Variants in HIP1 observed in about 807,000 individuals in gnomAD.
The protein encoded by HIP1 is huntingtin interacting protein 1, also known as huntingtin-interacting protein 1.
HIP1 carries 65 observed loss-of-function variants against 147.6 expected under a neutral mutation model. That is an observed-to-expected ratio of 0.44 (90% CI 0.36 to 0.54). HIP1 has a LOEUF of 0.54. Among genes scored for constraint, HIP1 ranks in the 20% least tolerant of loss-of-function variants. HIP1 has a pLI of 0.00. For missense variants in HIP1, 1,061 were observed against 1,299.6 expected (o/e 0.82, Z 2.82); for synonymous variants, 479 against 504.0 (o/e 0.95, Z 0.67).
At chr7:75,578,610 G>T (rs1293142255) in intron 7 of HIP1, among the ~76,000 whole-genome samples, 8 of 152,186 alleles carry the variant, frequency 5.3e-5, no homozygotes, top group African/African-American at 1.9e-4. Context: ...CCCCAGAAGC[G>T]GAGGTTGCAG....
At chr7:75,556,311 G>T in intron 17 of HIP1, 142 bp from the exon 18 acceptor site, 1 of 1,065,994 alleles carries the variant, frequency 9.4e-7, no homozygotes, top group Non-Finnish European at 1.4e-6. Context: ...CCCTCCCGGG[G>T]ACACACTGAT....
chr7:75,561,574 A>G (rs1245694923), intron 12 of HIP1, among the ~76,000 whole-genome samples, 173 bp from the exon 13 acceptor site: 1 of 152,114 alleles, frequency 6.6e-6, no homozygotes, highest in Non-Finnish European at 1.5e-5. Context: ...TCATAAATCC[A>G]TGGTTATTGA....
intron 8 of HIP1, among the ~76,000 whole-genome samples, chr7:75,571,300 T>C (rs1795625324): frequency 6.6e-6 from 1 of 152,102 alleles, no homozygotes; most frequent in Non-Finnish European, 1.5e-5. Flanking sequence ...AATGAAAAGT[T>C]TCCAGGGGAA....
chr7:75,592,393 G>A lies in HIP1; in HGVS notation c.306C>T (p.Leu102=), dbSNP rs111678782. 1 of 1,609,774 alleles carries A rather than the reference G, an allele frequency of 6.2e-7. No homozygotes were observed. Among genetic ancestry groups the A allele is most frequent in the South Asian group, 1.1e-5 (1 of 90,952 alleles). The change falls in exon 3 of 31, where the codon CTC becomes CTT. Residue 102 remains leucine (L), a synonymous_variant. Coordinates refer to ENST00000336926, the MANE Select transcript of HIP1 (RefSeq NM_005338.7). The part of the protein sequence containing the change: ...CWKFCHVFHK[L]LRDGHPNVLK... ...TCACGTTCGGGTGTCCATCTCGGAGGAGTTTGTGGAACACATGGCAGAACT... is the reference window on the plus strand; with the variant it reads ...TCACGTTCGGGTGTCCATCTCGGAGAAGTTTGTGGAACACATGGCAGAACT...
At chr7:75,624,950 T>C (rs1554507777) in intron 1 of HIP1, 1 of 142,664 alleles carries the variant, frequency 7.0e-6, no homozygotes, top group African/African-American at 2.8e-5. Flanking sequence ...TTTTTTTTTT[T>C]TTTTGAGATG....
chr7:75,685,845 G>C (rs1052665491), intron 1 of HIP1, among the ~76,000 whole-genome samples: 2 of 151,986 alleles, frequency 1.3e-5, no homozygotes, highest in Non-Finnish European at 2.9e-5. Flanking sequence ...CACTGCGCCC[G>C]GCCTGTCAGT....
intron 1 of HIP1, among the ~76,000 whole-genome samples, chr7:75,702,351 G>C (rs1800863316): frequency 1.3e-5 from 2 of 151,854 alleles, no homozygotes; most frequent in Non-Finnish European, 2.9e-5. Context: ...CCCATGATCT[G>C]CCTGCCTCGG....
At chr7:75,663,824 A>T (rs1022868129) in intron 1 of HIP1, among the ~76,000 whole-genome samples, 7 of 151,130 alleles carry the variant, frequency 4.6e-5, no homozygotes, top group Non-Finnish European at 1.5e-5. Context: ...TGACTCAGCT[A>T]ATCAGTAGAG....
chr7:75,649,935 T>A (rs1798918692), intron 1 of HIP1, among the ~76,000 whole-genome samples: 1 of 152,114 alleles, frequency 6.6e-6, no homozygotes. Context: ...GTTCCCCCCA[T>A]ATTAAACACA....
chr7:75,545,336 T>A, intron 25 of HIP1, 148 bp from the exon 26 acceptor site: 1 of 631,020 alleles, frequency 1.6e-6, no homozygotes, highest in Non-Finnish European at 2.8e-6. Flanking sequence ...AAGAAGAAGA[T>A]TCAGAGACCA....
chr7:75,616,510 C>A (rs142247744), intron 1 of HIP1, among the ~76,000 whole-genome samples: 1 of 151,958 alleles, frequency 6.6e-6, no homozygotes, highest in African/African-American at 2.4e-5. Context: ...TGGCTTCTAG[C>A]GATCCTCCCA....
intron 29 of HIP1, among the ~76,000 whole-genome samples, chr7:75,540,180 C>A (rs1287496009): frequency 6.6e-6 from 1 of 152,118 alleles, no homozygotes; most frequent in Non-Finnish European, 1.5e-5. Flanking sequence ...GTAATCCCAG[C>A]ACTTTGGGAG....
chr7:75,557,414 A>C (rs1438192604), intron 16 of HIP1, among the ~76,000 whole-genome samples: 1 of 151,708 alleles, frequency 6.6e-6, no homozygotes, highest in Non-Finnish European at 1.5e-5. Flanking sequence ...CAAACTCTCC[A>C]CCAGCCTCAT....
chr7:75,650,617 T>C (rs570408863), intron 1 of HIP1, among the ~76,000 whole-genome samples: 15 of 152,208 alleles, frequency 9.9e-5, no homozygotes, highest in African/African-American at 3.4e-4. Context: ...CACGCCCATC[T>C]AATTTGTGTA....
intron 1 of HIP1, among the ~76,000 whole-genome samples, chr7:75,674,793 C>CTT (rs1264188314): frequency 7.0e-6 from 1 of 142,974 alleles, no homozygotes; most frequent in Non-Finnish European, 1.5e-5. Context: ...GCCAGGCCGG[C>CTT]TTTTTTTTTT....
intron 1 of HIP1, among the ~76,000 whole-genome samples, chr7:75,608,838 C>T (rs1198415289): frequency 3.9e-5 from 6 of 152,256 alleles, no homozygotes; most frequent in East Asian, 3.9e-4. Context: ...GACTCTGAAA[C>T]GGCTGATCAG....
At chr7:75,546,611 C>T (rs1167797) in intron 25 of HIP1, among the ~76,000 whole-genome samples, 113,309 of 152,222 alleles carry the variant, frequency 0.74, 43,176 homozygotes, top group African/African-American at 0.87. Flanking sequence ...CAGTCTCAAG[C>T]TGGCATTCAG....
Position 75,731,778 on chromosome 7 carries a change from G to A in HIP1, c.120+7023C>T, listed in dbSNP as rs145753163. On this transcript the variant is annotated intron_variant, in intron 1 of 30. Coordinates refer to ENST00000336926, the MANE Select transcript of HIP1 (RefSeq NM_005338.7). ...TCTGAGTATAACCAGAACCAACTGA[G>A]CCACCCAAAGTCCGTGGGGTGCCAG... 6.2e-3 allele frequency among the ~76,000 whole-genome samples: 948 copies of A among 152,172 alleles called. 18 individuals carry two copies. The highest frequency in any genetic ancestry group is 0.021 in the African/African-American group (882 of 41,532).
At chr7:75,650,141 C>G (rs1554511746) in intron 1 of HIP1, among the ~76,000 whole-genome samples, 1 of 152,062 alleles carries the variant, frequency 6.6e-6, no homozygotes, top group South Asian at 2.1e-4. Context: ...AAAGATCTGC[C>G]GAATTTCTAA....
Sources: gnomAD v4.1 joint callset for allele counts (sites outside exome capture counted in the v4.1 genomes callset) on GRCh38, gnomAD v4.1.1 for gene constraint, MANE v1.5 for transcripts, NCBI Gene and HGNC (gene_info 2026-07-23, HGNC 2026-07-21) for gene names.